Variants in IQCJ observed in about 807,000 individuals in gnomAD.
The protein encoded by IQCJ is IQ domain-containing protein J.
Under a neutral mutation model 11.0 loss-of-function variants are expected in IQCJ, and 9 were observed. The observed-to-expected ratio is 0.82, with a 90% confidence interval of 0.49 to 1.43. The LOEUF is 1.43. Among genes scored for constraint, IQCJ ranks in the 40% most tolerant of loss-of-function variants. The probability of loss-of-function intolerance (pLI) is 0.00; values close to 1 mark genes in which losing one functional copy is unlikely to be tolerated. For missense variants in IQCJ, 146 were observed against 133.2 expected (o/e 1.10, Z -0.47); for synonymous variants, 55 against 51.3 (o/e 1.07, Z -0.31).
intron 1 of IQCJ, among the ~76,000 whole-genome samples, chr3:159,243,888 C>T (rs1176636989): frequency 1.3e-5 from 2 of 152,192 alleles, no homozygotes; most frequent in Non-Finnish European, 2.9e-5. Flanking sequence ...TTAGACCAGA[C>T]TGAGAGGTGG....
chr3:159,117,809 A>G (rs900024497), intron 1 of IQCJ, among the ~76,000 whole-genome samples: 3 of 152,326 alleles, frequency 2.0e-5, no homozygotes, highest in Admixed American at 2.0e-4. Flanking sequence ...AGAAGACACA[A>G]TAATATTACC....
intron 1 of IQCJ, among the ~76,000 whole-genome samples, chr3:159,197,023 C>T (rs1169002714): frequency 1.3e-5 from 2 of 150,946 alleles, no homozygotes; most frequent in African/African-American, 4.9e-5. Context: ...TACTCTTTGT[C>T]TTCATTAAAG....
chr3:159,173,941 C>T (rs1195476311), intron 1 of IQCJ, among the ~76,000 whole-genome samples: 2 of 152,060 alleles, frequency 1.3e-5, no homozygotes, highest in African/African-American at 4.8e-5. Flanking sequence ...CTGGAAACTT[C>T]TCATTAAATC....
At chr3:159,218,012 A>G (rs549228285) in intron 1 of IQCJ, among the ~76,000 whole-genome samples, 69 of 135,400 alleles carry the variant, frequency 5.1e-4, no homozygotes, top group South Asian at 3.7e-3. Flanking sequence ...AGTAATAACA[A>G]CAATATATAA....
chr3:159,172,305 A>G (rs1722520761), intron 1 of IQCJ, among the ~76,000 whole-genome samples: 2 of 152,216 alleles, frequency 1.3e-5, no homozygotes, highest in African/African-American at 4.8e-5. Flanking sequence ...TTTCTGATTT[A>G]AATCTGAATA....
intron 1 of IQCJ, among the ~76,000 whole-genome samples, chr3:159,084,645 A>G (rs1020199036): frequency 6.6e-6 from 1 of 152,144 alleles, no homozygotes; most frequent in African/African-American, 2.4e-5. Flanking sequence ...CCAGGGTCAC[A>G]CAGCTGGTAA....
intron 1 of IQCJ, among the ~76,000 whole-genome samples, chr3:159,179,618 A>G (rs1238335070): frequency 6.6e-6 from 1 of 152,162 alleles, no homozygotes; most frequent in Non-Finnish European, 1.5e-5. Flanking sequence ...AGATGTGGGG[A>G]AAAATTATGT....
At chr3:159,247,240 G>A (rs1013836246) in intron 2 of IQCJ, among the ~76,000 whole-genome samples, 8 of 152,116 alleles carry the variant, frequency 5.3e-5, no homozygotes, top group African/African-American at 1.9e-4. Context: ...GGGATTACAG[G>A]CACGTGCCAC....
downstream of IQCJ, among the ~76,000 whole-genome samples, chr3:159,265,041 G>T (rs1351105863): frequency 6.6e-6 from 1 of 151,652 alleles, no homozygotes; most frequent in African/African-American, 2.4e-5. Context: ...TAATGACAGT[G>T]ATGTGACATT....
intron 1 of IQCJ, among the ~76,000 whole-genome samples, chr3:159,094,205 C>A (rs1019268347): frequency 4.6e-5 from 7 of 151,666 alleles, no homozygotes; most frequent in African/African-American, 1.7e-4. Context: ...CAGACCACGA[C>A]AGCCACTGGG....
intron 1 of IQCJ, among the ~76,000 whole-genome samples, chr3:159,200,020 GA>G (rs1442344848): frequency 3.7e-5 from 4 of 107,538 alleles, no homozygotes; most frequent in Non-Finnish European, 7.4e-5. Context: ...TTGTTATAAG[GA>G]GTAAACGACT....
At chr3:159,263,893 G>A, downstream of IQCJ, 2 of 864,020 alleles carry the variant, frequency 2.3e-6, no homozygotes, top group African/African-American at 3.6e-5. Flanking sequence ...TTATTTAGGG[G>A]AATGGCTTAT....
At position 159,135,853 on chromosome 3, in the gene IQCJ, G is replaced by A. The variant is rs564052393; in HGVS notation, c.9+66412G>A. Reference sequence around the variant, plus strand: ...TTATACCCACATTCATGCTTGGTGGGCGGCACCTTTAAGGAAAGGGACAGT... The same window carrying A: ...TTATACCCACATTCATGCTTGGTGGACGGCACCTTTAAGGAAAGGGACAGT... On this transcript the variant is annotated intron_variant, in intron 1 of 3. Transcript: ENST00000397832. Among the ~76,000 whole-genome samples, 8 of 152,246 alleles carry A rather than the reference G, an allele frequency of 5.3e-5. No homozygotes were observed. In the South Asian group the frequency reaches 1.7e-3, roughly 32 times the overall value.
At chr3:159,127,675 G>T (rs1440474593) in intron 1 of IQCJ, among the ~76,000 whole-genome samples, 1 of 152,202 alleles carries the variant, frequency 6.6e-6, no homozygotes, top group East Asian at 1.9e-4. Flanking sequence ...TGACTGAGAA[G>T]AAGTGGCAAT....
At chr3:159,258,645 C>T (rs1728035483) in intron 3 of IQCJ, among the ~76,000 whole-genome samples, 1 of 152,078 alleles carries the variant, frequency 6.6e-6, no homozygotes, top group African/African-American at 2.4e-5. Context: ...CTCTTTTGTC[C>T]ATCCCTAAAT....
At chr3:159,176,751 T>C (rs1229411588) in intron 1 of IQCJ, among the ~76,000 whole-genome samples, 5 of 152,182 alleles carry the variant, frequency 3.3e-5, no homozygotes, top group Admixed American at 2.0e-4. Flanking sequence ...ATACTCCAGT[T>C]AAAAAATTTT....
intron 1 of IQCJ, among the ~76,000 whole-genome samples, chr3:159,155,305 A>T (rs1442844912): frequency 6.6e-6 from 1 of 150,802 alleles, no homozygotes; most frequent in African/African-American, 2.4e-5. Flanking sequence ...CTACAGGCAC[A>T]CGCCATCACA....
intron 1 of IQCJ, among the ~76,000 whole-genome samples, chr3:159,148,441 G>T (rs1334503817): frequency 2.0e-5 from 3 of 152,182 alleles, no homozygotes; most frequent in Non-Finnish European, 2.9e-5. Context: ...ATTTCCTGTT[G>T]TCAGTTCTCA....
chr3:159,266,277 A>G (rs1367189412), downstream of IQCJ: 2 of 152,250 alleles, frequency 1.3e-5, no homozygotes, highest in African/African-American at 4.8e-5. Context: ...CGGTCAAGCA[A>G]TCAGTTCATG....
Sources: gnomAD v4.1 joint callset for allele counts (sites outside exome capture counted in the v4.1 genomes callset) on GRCh38, gnomAD v4.1.1 for gene constraint, MANE v1.5 for transcripts, NCBI Gene and HGNC (gene_info 2026-07-23, HGNC 2026-07-21) for gene names.